RBFOX1: variants seen among roughly 807,000 people sequenced by gnomAD.
The protein encoded by RBFOX1 is RNA binding protein fox-1 homolog 1.
Under a neutral mutation model 57.7 loss-of-function variants are expected in RBFOX1, and 8 were observed. The observed-to-expected ratio is 0.14, with a 90% confidence interval of 0.08 to 0.25. The LOEUF is 0.25. Ranked by LOEUF, RBFOX1 falls within the 10% of genes least tolerant of loss-of-function variation. The pLI, the probability that RBFOX1 is intolerant of heterozygous loss-of-function variation, is 1.00. For missense variants in RBFOX1, 611 were observed against 548.5 expected (o/e 1.11, Z -1.14); for synonymous variants, 326 against 222.4 (o/e 1.47, Z -4.15).
At chr16:6,481,940 G>T (rs919361966) in intron 2 of RBFOX1, among the ~76,000 whole-genome samples, 1 of 151,954 alleles carries the variant, frequency 6.6e-6, no homozygotes, top group Non-Finnish European at 1.5e-5. Flanking sequence ...ATCCCTCCTC[G>T]TTTTGTTCCT....
At chr16:5,802,769 T>G (rs888185508) in intron 3 of RBFOX1, among the ~76,000 whole-genome samples, 2 of 152,184 alleles carry the variant, frequency 1.3e-5, no homozygotes, top group Non-Finnish European at 2.9e-5. Flanking sequence ...TAAACTAAGT[T>G]TATGTATTCA....
At chr16:6,710,530 G>C (rs767334240) in intron 3 of RBFOX1, among the ~76,000 whole-genome samples, 1 of 152,218 alleles carries the variant, frequency 6.6e-6, no homozygotes, top group Non-Finnish European at 1.5e-5. Context: ...AACCTCAAAA[G>C]GTGATGGTTA....
chr16:6,384,785 C>T (rs537615462), intron 2 of RBFOX1, among the ~76,000 whole-genome samples: 2 of 152,126 alleles, frequency 1.3e-5, no homozygotes, highest in Non-Finnish European at 2.9e-5. Flanking sequence ...CTGTTTTCTC[C>T]GATCTGATAT....
rs145094072 is a variant in RBFOX1, at chr16:7,347,218, T to C, written c.28-170929T>C. Among the ~76,000 whole-genome samples the C allele has an allele frequency of 9.3e-3, 1,413 of 152,274 alleles. 20 individuals are homozygous for C. The highest frequency in any genetic ancestry group is 0.02 in the Middle Eastern group (6 of 294). Reference sequence around the variant, plus strand: ...CAATGCATAGGTGCATTAGTCTGTTTTCATGCTGCTGATAAAGACATACCG... The same window carrying C: ...CAATGCATAGGTGCATTAGTCTGTTCTCATGCTGCTGATAAAGACATACCG... On this transcript the variant is annotated intron_variant, in intron 4 of 15. Transcript: ENST00000550418.
At chr16:5,272,237 A>T (rs1287460830) in intron 1 of RBFOX1, among the ~76,000 whole-genome samples, 1 of 152,228 alleles carries the variant, frequency 6.6e-6, no homozygotes, top group African/African-American at 2.4e-5. Context: ...CATCCTAAAA[A>T]TTTTCAGTAA....
At chr16:7,623,734 T>C (rs1480033920) in intron 10 of RBFOX1, among the ~76,000 whole-genome samples, 1 of 152,186 alleles carries the variant, frequency 6.6e-6, no homozygotes, top group Non-Finnish European at 1.5e-5. Context: ...TTCTGGATGC[T>C]GGAAGTCTGA....
At chr16:7,013,958 A>G (rs1264304611) in intron 3 of RBFOX1, among the ~76,000 whole-genome samples, 5 of 152,244 alleles carry the variant, frequency 3.3e-5, no homozygotes, top group Admixed American at 2.0e-4. Flanking sequence ...GCGCTTGGCT[A>G]AAATGCTATA....
At chr16:5,939,619 A>G (rs2059240398) in intron 4 of RBFOX1, among the ~76,000 whole-genome samples, 1 of 152,170 alleles carries the variant, frequency 6.6e-6, no homozygotes. Context: ...GAAGTCACCC[A>G]CTGTCACTTT....
At chr16:5,864,881 G>C (rs965787652) in intron 3 of RBFOX1, among the ~76,000 whole-genome samples, 5 of 152,132 alleles carry the variant, frequency 3.3e-5, no homozygotes, top group African/African-American at 1.2e-4. Context: ...TCCCACTATA[G>C]GTGGTTGAAT....
At chr16:6,225,255 C>T (rs1331537450) in intron 1 of RBFOX1, among the ~76,000 whole-genome samples, 1 of 152,022 alleles carries the variant, frequency 6.6e-6, no homozygotes, top group Non-Finnish European at 1.5e-5. Flanking sequence ...TAAAATAGTG[C>T]CCCTGTTCTG....
chr16:5,247,582 A>G (rs1347500812), intron 1 of RBFOX1, among the ~76,000 whole-genome samples: 1 of 152,230 alleles, frequency 6.6e-6, no homozygotes, highest in African/African-American at 2.4e-5. Context: ...GGCCAGAGAC[A>G]GCCCCCTGCC....
intron 1 of RBFOX1, among the ~76,000 whole-genome samples, chr16:5,464,111 G>A (rs766923018): frequency 6.6e-6 from 1 of 152,212 alleles, no homozygotes; most frequent in African/African-American, 2.4e-5. Flanking sequence ...GATGCCTTCT[G>A]GGTGCCAGGA....
At chr16:6,989,963 C>T (rs879400503) in intron 3 of RBFOX1, among the ~76,000 whole-genome samples, 7 of 152,004 alleles carry the variant, frequency 4.6e-5, no homozygotes, top group African/African-American at 1.2e-4. Context: ...ACCGCACCAC[C>T]GCACTCCAGC....
At chr16:7,461,757 C>G (rs1246561807) in intron 4 of RBFOX1, among the ~76,000 whole-genome samples, 1 of 152,136 alleles carries the variant, frequency 6.6e-6, no homozygotes, top group Non-Finnish European at 1.5e-5. Context: ...TAAGAGTTTC[C>G]CAGCCCTCGG....
chr16:6,366,987 C>A (rs2089725024), intron 2 of RBFOX1, among the ~76,000 whole-genome samples: 1 of 152,162 alleles, frequency 6.6e-6, no homozygotes. Flanking sequence ...TTATGTACTT[C>A]TTGTTGAAAT....
chr16:5,335,608 G>A (rs1312848166), intron 1 of RBFOX1, among the ~76,000 whole-genome samples: 2 of 152,182 alleles, frequency 1.3e-5, no homozygotes, highest in Admixed American at 6.5e-5. Context: ...CATTGCACAT[G>A]AGCGAGCAGA....
intron 4 of RBFOX1, among the ~76,000 whole-genome samples, chr16:7,140,733 A>T (rs1302472242): frequency 6.6e-6 from 1 of 152,164 alleles, no homozygotes; most frequent in Non-Finnish European, 1.5e-5. Context: ...GGAGTGAGAG[A>T]CGGAGACTTG....
chr16:6,742,686 CT>C (rs1227282821), intron 3 of RBFOX1, among the ~76,000 whole-genome samples: 10 of 152,226 alleles, frequency 6.6e-5, no homozygotes, highest in African/African-American at 2.4e-4. Context: ...TACACAACAC[CT>C]GTGATGAATC....
At chr16:6,891,523 C>A (rs182851862) in intron 3 of RBFOX1, among the ~76,000 whole-genome samples, 1 of 152,028 alleles carries the variant, frequency 6.6e-6, no homozygotes, top group African/African-American at 2.4e-5. Context: ...ACATAAACTT[C>A]CCAGTCCTGC....
Sources: allele counts gnomAD v4.1 joint callset (sites outside exome capture counted in the v4.1 genomes callset), GRCh38; gene constraint gnomAD v4.1.1; transcripts MANE v1.5; gene names NCBI Gene and HGNC (gene_info 2026-07-23, HGNC 2026-07-21).